ANKRD28: variants seen among roughly 807,000 people sequenced by gnomAD.
ANKRD28 encodes serine/threonine-protein phosphatase 6 regulatory ankyrin repeat subunit A.
A neutral mutation model predicts 126.5 loss-of-function variants in ANKRD28; 44 were observed. The ratio of observed to expected loss-of-function variants is 0.35; its 90% CI spans 0.27 to 0.45. The LOEUF is 0.45. ANKRD28 is among the 20% of genes least tolerant of loss of function. ANKRD28 has a pLI of 1.00. For synonymous variants in ANKRD28, 442 were observed against 468.5 expected, an observed-to-expected ratio of 0.94 and a Z score of 0.73; for missense variants, 1,110 against 1,316.6, an observed-to-expected ratio of 0.84 and a Z score of 2.43.
At chr3:15,737,538 C>G (rs1353774980) in intron 4 of ANKRD28, among the ~76,000 whole-genome samples, 1 of 152,178 alleles carries the variant, frequency 6.6e-6, no homozygotes, top group South Asian at 2.1e-4. Flanking sequence ...AATCATAGCT[C>G]ACCGTAACTT....
At chr3:15,778,980 T>A (rs2059423820) in intron 2 of ANKRD28, among the ~76,000 whole-genome samples, 1 of 152,186 alleles carries the variant, frequency 6.6e-6, no homozygotes, top group African/African-American at 2.4e-5. Flanking sequence ...TGTCACCCTG[T>A]GAAGAGGTGC....
In ANKRD28 at chr3:15,815,788, T is replaced by C. The variant is rs1268913755; in HGVS notation, c.28-20482A>G. Among the ~76,000 whole-genome samples, 1 of 152,186 alleles carries C rather than the reference T, an allele frequency of 6.6e-6. No homozygotes were observed. Among genetic ancestry groups the C allele is most frequent in the African/African-American group, 2.4e-5 (1 of 41,428 alleles). On this transcript the variant is annotated intron_variant, in intron 1 of 27. Coordinates refer to the ANKRD28 transcript ENST00000399451. This position sits in a 1 kb window ranked among gnomAD's most constrained non-coding sequence, Gnocchi z 4.1. The stretch of plus-strand genomic sequence containing the variant: ...TCTGTTATTTCTTCCCTTGTCAAAA[T>C]TATTTATGAACAAATCAACCTCATC...
intron 6 of ANKRD28, among the ~76,000 whole-genome samples, chr3:15,725,105 A>T (rs1372083043): frequency 6.6e-6 from 1 of 152,238 alleles, no homozygotes; most frequent in Non-Finnish European, 1.5e-5. Context: ...AGATTCAACC[A>T]ACTGCAGACT....
chr3:15,714,887 A>G (rs2072817073), intron 8 of ANKRD28, among the ~76,000 whole-genome samples: 1 of 152,192 alleles, frequency 6.6e-6, no homozygotes, highest in South Asian at 2.1e-4. Context: ...ATTTATAAAA[A>G]TTGGGAGTGG....
At chr3:15,844,987 G>GA (rs2061500260) in intron 1 of ANKRD28, among the ~76,000 whole-genome samples, 2 of 152,278 alleles carry the variant, frequency 1.3e-5, no homozygotes, top group African/African-American at 4.8e-5. Flanking sequence ...AGGCAAAGGA[G>GA]AAGCAGGCAT....
At chr3:15,712,055 AATTTTTAAAAAGC>A in intron 11 of ANKRD28, 72 bp downstream of exon 11, 1 of 1,058,050 alleles carries the variant, frequency 9.5e-7, no homozygotes, top group South Asian at 1.4e-5. Flanking sequence ...CATCTGCATT[AATTTTTAAAAAGC>A]AGGATAGAGA....
chr3:15,821,321 G>A (rs1012555620), intron 1 of ANKRD28, among the ~76,000 whole-genome samples: 3 of 152,176 alleles, frequency 2.0e-5, no homozygotes, highest in Admixed American at 1.3e-4. Flanking sequence ...GCCAGCAACA[G>A]ACAAATGGTA....
At chr3:15,678,409 G>GA in intron 23 of ANKRD28, 55 bp from the exon 24 acceptor site, 1 of 1,494,164 alleles carries the variant, frequency 6.7e-7, no homozygotes, top group Non-Finnish European at 9.0e-7. Flanking sequence ...ATATATGCTG[G>GA]AAAAATATTC....
chr3:15,679,284 C>A lies in ANKRD28; in HGVS notation c.2561+17G>T. 1 of 1,607,748 alleles carries A rather than the reference C, an allele frequency of 6.2e-7. No individual in the cohort carries two copies. Among genetic ancestry groups the A allele is most frequent in the Non-Finnish European group, 8.5e-7 (1 of 1,174,240 alleles). ...TGTGCCTGGCTAAAACTATTTAATA[C>A]ATAGTTGAATTCCTACCTTCCTTTT... On this transcript the variant is annotated intron_variant, in intron 23 of 27. Transcript: ENST00000683139.
intron 2 of ANKRD28, among the ~76,000 whole-genome samples, chr3:15,779,596 C>G (rs1559518162): frequency 6.6e-6 from 1 of 152,112 alleles, no homozygotes; most frequent in Non-Finnish European, 1.5e-5. Context: ...GCAACCAAAT[C>G]AAATAATTCC....
At chr3:15,825,051 T>C (rs542604870) in intron 1 of ANKRD28, among the ~76,000 whole-genome samples, 5 of 152,356 alleles carry the variant, frequency 3.3e-5, no homozygotes, top group Admixed American at 3.3e-4. Context: ...AGAATAGATT[T>C]GATATGCTTG....
At chr3:15,827,210 G>C (rs1291480673) in intron 1 of ANKRD28, among the ~76,000 whole-genome samples, 1 of 151,928 alleles carries the variant, frequency 6.6e-6, no homozygotes, top group Admixed American at 6.6e-5. Context: ...CAGTATGAAG[G>C]TTCCTCAAAA....
intron 2 of ANKRD28, among the ~76,000 whole-genome samples, chr3:15,775,944 T>C (rs1020790426): frequency 1.2e-4 from 19 of 152,058 alleles, no homozygotes; most frequent in African/African-American, 3.9e-4. Context: ...GCTTGAAAAG[T>C]TCAAGCCCTC....
intron 1 of ANKRD28, among the ~76,000 whole-genome samples, chr3:15,828,993 G>C (rs1023424544): frequency 6.6e-6 from 1 of 152,126 alleles, no homozygotes; most frequent in Non-Finnish European, 1.5e-5. Context: ...TACCCAGCAA[G>C]AGAGACAAAC....
At chr3:15,671,025 G>A (rs1025041237) in intron 27 of ANKRD28, among the ~76,000 whole-genome samples, 1 of 152,338 alleles carries the variant, frequency 6.6e-6, no homozygotes, top group Non-Finnish European at 1.5e-5. Context: ...AATGTGTACA[G>A]CTTCATGAAT....
chr3:15,732,708 G>T (rs2074726306), intron 6 of ANKRD28: 1 of 152,198 alleles, frequency 6.6e-6, no homozygotes, highest in African/African-American at 2.4e-5. Context: ...TTTGACAGAA[G>T]AGAGGCATTG....
chr3:15,844,448 G>GAAAAA (rs139874890), intron 1 of ANKRD28, among the ~76,000 whole-genome samples: 1 of 144,856 alleles, frequency 6.9e-6, no homozygotes. Context: ...TGTGGTCAGA[G>GAAAAA]AAAAAAAAAA....
chr3:15,737,154 G>C lies in ANKRD28; in HGVS notation c.431C>G (p.Ala144Gly). 6.2e-7 allele frequency: 1 copy of C among 1,613,980 alleles called. No homozygotes were observed. ...DKNWQTPLHI[A>G]AANKAVKCAE... ...ACACTTTACAGCTTTATTAGCAGCA[G>C]CTATATGTAAAGGGGTTTGCCAATT... is the stretch of plus-strand genomic sequence containing the variant. Residue 144 changes from alanine to glycine, a missense_variant, in exon 5 of 28, where the codon GCT becomes GGT. Transcript: ENST00000683139.
At chr3:15,791,101 A>G (rs1389722692) in intron 2 of ANKRD28, among the ~76,000 whole-genome samples, 1 of 152,180 alleles carries the variant, frequency 6.6e-6, no homozygotes, top group Admixed American at 6.6e-5. Flanking sequence ...TGGAAACAAT[A>G]AAACACGAAT....
Sources: gnomAD v4.1 joint callset for allele counts (sites outside exome capture counted in the v4.1 genomes callset) on GRCh38, gnomAD v4.1.1 for gene constraint, Gnocchi (gnomAD v3.1) non-coding constraint, MANE v1.5 for transcripts, NCBI Gene and HGNC (gene_info 2026-07-23, HGNC 2026-07-21) for gene names.